Variants in PHACTR1 observed in about 807,000 individuals in gnomAD.
PHACTR1 encodes the protein RPEL repeat containing 1.
A neutral mutation model predicts 69.2 loss-of-function variants in PHACTR1; 16 were observed. The ratio of observed to expected loss-of-function variants is 0.23; its 90% CI spans 0.16 to 0.35. PHACTR1 has a LOEUF of 0.35. PHACTR1 is among the 10% of genes least tolerant of loss of function. The probability of loss-of-function intolerance (pLI) is 1.00; values close to 1 mark genes in which losing one functional copy is unlikely to be tolerated. For synonymous variants in PHACTR1, 312 were observed against 284.5 expected, an observed-to-expected ratio of 1.10 and a Z score of -0.97; for missense variants, 510 against 734.7, an observed-to-expected ratio of 0.69 and a Z score of 3.54.
At chr6:13,162,906 C>T (rs1412660420) in intron 6 of PHACTR1, among the ~76,000 whole-genome samples, 2 of 152,158 alleles carry the variant, frequency 1.3e-5, no homozygotes, top group Non-Finnish European at 2.9e-5. Context: ...ACACTTGCTT[C>T]TTTCTCCATC....
rs1056788252 is a variant in PHACTR1 at position 12,744,236 on chromosome 6, C to T, written c.104-5408C>T. On this transcript the variant is annotated intron_variant, in intron 3 of 14. Transcript: ENST00000332995. Reference sequence around the variant, plus strand: ...AAATTTGCTTCCTTAAAGGGAACCACGCCATTCCCATCAAAGCCTTGGCAA... The same window carrying T: ...AAATTTGCTTCCTTAAAGGGAACCATGCCATTCCCATCAAAGCCTTGGCAA... Among the ~76,000 whole-genome samples, 10 of 152,330 alleles carry T rather than the reference C, an allele frequency of 6.6e-5. No homozygotes were observed. The East Asian group carries it at 7.7e-4, about 12-fold the overall frequency.
intron 4 of PHACTR1, among the ~76,000 whole-genome samples, chr6:12,796,564 C>A (rs911290130): frequency 2.4e-4 from 36 of 152,266 alleles, no homozygotes; most frequent in African/African-American, 7.9e-4. Flanking sequence ...GATTTCTAAT[C>A]TTTGATTTTA....
At chr6:13,088,482 G>A (rs117571495) in intron 5 of PHACTR1, among the ~76,000 whole-genome samples, 2 of 152,140 alleles carry the variant, frequency 1.3e-5, no homozygotes, top group East Asian at 3.9e-4. Flanking sequence ...TCTGTACTCC[G>A]AGTGTTTATT....
intron 4 of PHACTR1, among the ~76,000 whole-genome samples, chr6:12,777,010 C>T (rs1002069996): frequency 2.0e-5 from 3 of 152,090 alleles, no homozygotes; most frequent in Admixed American, 6.6e-5. Flanking sequence ...TTAAAATACA[C>T]TCATGTTCAA....
At chr6:12,991,742 T>C (rs902307184) in intron 4 of PHACTR1, among the ~76,000 whole-genome samples, 2 of 152,192 alleles carry the variant, frequency 1.3e-5, no homozygotes, top group Non-Finnish European at 2.9e-5. Context: ...GTAGTTTAAT[T>C]AGATAAAACT....
At chr6:12,933,597 C>A (rs1474349248) in intron 4 of PHACTR1, 1 of 1,607,702 alleles carries the variant, frequency 6.2e-7, no homozygotes, top group South Asian at 1.1e-5. Context: ...GACCTGGGCT[C>A]ACACCTTAAT....
chr6:12,759,867 A>G (rs1767835676), intron 4 of PHACTR1, among the ~76,000 whole-genome samples: 1 of 152,188 alleles, frequency 6.6e-6, no homozygotes, highest in African/African-American at 2.4e-5. Context: ...GATATACCCT[A>G]GAGCCAGACT....
chr6:13,206,158 G>C, intron 8 of PHACTR1, 22 bp downstream of exon 8: 1 of 1,531,248 alleles, frequency 6.5e-7, no homozygotes, highest in African/African-American at 1.4e-5. Context: ...CACCAGGAGG[G>C]AGGACGGGAG....
chr6:13,239,672 T>C (rs2127368554), intron 10 of PHACTR1, among the ~76,000 whole-genome samples: 1 of 152,334 alleles, frequency 6.6e-6, no homozygotes, highest in African/African-American at 2.4e-5. Context: ...CTACAGCCAT[T>C]GAACATGTCT....
intron 4 of PHACTR1, among the ~76,000 whole-genome samples, chr6:12,839,944 G>A (rs1778534691): frequency 6.6e-6 from 1 of 152,062 alleles, no homozygotes. Context: ...TTTATTCAGA[G>A]AGTACTCCCA....
chr6:13,064,873 A>T (rs1385021405), intron 5 of PHACTR1, among the ~76,000 whole-genome samples: 1 of 151,868 alleles, frequency 6.6e-6, no homozygotes, highest in Non-Finnish European at 1.5e-5. Flanking sequence ...TCAATAACTA[A>T]TATATAGGAA....
intron 5 of PHACTR1, among the ~76,000 whole-genome samples, chr6:13,127,478 G>C (rs935146372): frequency 3.3e-5 from 5 of 152,334 alleles, no homozygotes; most frequent in East Asian, 1.9e-4. Flanking sequence ...GCCGAGGCAG[G>C]AGGATCACTT....
intron 5 of PHACTR1, among the ~76,000 whole-genome samples, chr6:13,091,685 C>T (rs937432692): frequency 5.3e-5 from 8 of 152,208 alleles, no homozygotes; most frequent in Non-Finnish European, 1.0e-4. Context: ...TGTTTTTCTA[C>T]AACTAGTCAC....
chr6:13,211,918 ACAC>A (rs1562002751), intron 8 of PHACTR1, among the ~76,000 whole-genome samples: 1 of 151,976 alleles, frequency 6.6e-6, no homozygotes, highest in Non-Finnish European at 1.5e-5. Context: ...ATTTAAAAAC[ACAC>A]ACACACACAC....
chr6:13,162,753 A>G (rs2113563103), intron 6 of PHACTR1, among the ~76,000 whole-genome samples: 1 of 152,246 alleles, frequency 6.6e-6, no homozygotes, highest in Admixed American at 6.5e-5. Flanking sequence ...GTTGGAGCAA[A>G]AGCCTCATTT....
chr6:13,058,015 C>T (rs931831013), intron 5 of PHACTR1, among the ~76,000 whole-genome samples: 4 of 152,160 alleles, frequency 2.6e-5, no homozygotes, highest in South Asian at 2.1e-4. Context: ...TCAGGGAAGA[C>T]GATCCTCACA....
intron 4 of PHACTR1, among the ~76,000 whole-genome samples, chr6:12,812,128 A>T (rs1181505099): frequency 6.6e-6 from 1 of 152,018 alleles, no homozygotes; most frequent in Non-Finnish European, 1.5e-5. Context: ...CCAAAAGAAA[A>T]CCATGTGGCC....
Position 12,732,055 on chromosome 6 carries a change from G to A in PHACTR1, c.103+13208G>A, listed in dbSNP as rs1763603297. On this transcript the variant is annotated intron_variant, in intron 3 of 14. Coordinates refer to ENST00000332995, the MANE Select transcript of PHACTR1 (RefSeq NM_030948.6). ...ACCCTTATACTGAGTTGCAGAATAT[G>A]TGATTTGCTTGGAGTTCCTGGGAGG... 2.6e-5 allele frequency among the ~76,000 whole-genome samples: 4 copies of A among 151,038 alleles called. No homozygotes were observed. In the South Asian group the frequency reaches 8.4e-4, roughly 32 times the overall value.
intron 4 of PHACTR1, among the ~76,000 whole-genome samples, chr6:12,857,980 A>G (rs987482489): frequency 2.0e-5 from 3 of 152,192 alleles, no homozygotes; most frequent in African/African-American, 7.2e-5. Context: ...TGTTTCATCC[A>G]TGCCAGATAC....
Sources: gnomAD v4.1 joint callset for allele counts (sites outside exome capture counted in the v4.1 genomes callset) on GRCh38, gnomAD v4.1.1 for gene constraint, MANE v1.5 for transcripts, NCBI Gene and HGNC (gene_info 2026-07-23, HGNC 2026-07-21) for gene names.